Variants in ARHGAP40 observed in about 807,000 individuals in gnomAD.
The protein encoded by ARHGAP40 is rho GTPase-activating protein 40.
In ARHGAP40, 43 loss-of-function variants were observed where a neutral mutation model predicts 73.5. The observed-to-expected ratio is 0.58, with a 90% CI of 0.46 to 0.75. The LOEUF is 0.75. Among genes scored for constraint, ARHGAP40 ranks in the 30% least tolerant of loss-of-function variants. The probability of loss-of-function intolerance (pLI) is 0.00; values close to 1 mark genes in which losing one functional copy is unlikely to be tolerated. For missense variants in ARHGAP40, 734 were observed against 861.8 expected, an observed-to-expected ratio of 0.85 and a Z score of 1.86; for synonymous variants, 300 against 352.8, an observed-to-expected ratio of 0.85 and a Z score of 1.68.
At chr20:38,610,492 A>AAGGT (rs1158807778) in intron 1 of ARHGAP40, among the ~76,000 whole-genome samples, 1 of 152,212 alleles carries the variant, frequency 6.6e-6, no homozygotes, top group Non-Finnish European at 1.5e-5. Flanking sequence ...GAGGTCTGAG[A>AAGGT]AGGTGTCTCC....
chr20:38,641,354 A>G (rs958901106), intron 9 of ARHGAP40, among the ~76,000 whole-genome samples: 7 of 152,138 alleles, frequency 4.6e-5, no homozygotes, highest in Non-Finnish European at 1.0e-4. Context: ...AGAGGGTTTC[A>G]TGAAAACCTT....
chr20:38,605,457 C>T (rs978459848), intron 1 of ARHGAP40, among the ~76,000 whole-genome samples: 6 of 152,132 alleles, frequency 3.9e-5, no homozygotes, highest in Admixed American at 2.6e-4. Flanking sequence ...AGGGGGACAC[C>T]GAATTCACTG....
chr20:38,629,789 A>G (rs2088926126), intron 5 of ARHGAP40, 139 bp downstream of exon 5: 1 of 994,864 alleles, frequency 1.0e-6, no homozygotes, highest in South Asian at 1.6e-5. Context: ...TTCGTACCAC[A>G]AATATTTACT....
At chr20:38,628,784 C>A in intron 3 of ARHGAP40, 143 bp from the exon 4 acceptor site, 1 of 507,756 alleles carries the variant, frequency 2.0e-6, no homozygotes, top group Non-Finnish European at 3.2e-6. Flanking sequence ...AGCTGTGGGA[C>A]TTTGGGCAAG....
At chr20:38,620,451 C>G (rs1243003836) in intron 1 of ARHGAP40, among the ~76,000 whole-genome samples, 1 of 152,210 alleles carries the variant, frequency 6.6e-6, no homozygotes, top group East Asian at 1.9e-4. Context: ...GCTGCCCCCT[C>G]ACTGCTTAGC....
intron 2 of ARHGAP40, among the ~76,000 whole-genome samples, chr20:38,626,217 G>T (rs921153660): frequency 6.6e-6 from 1 of 152,192 alleles, no homozygotes; most frequent in Non-Finnish European, 1.5e-5. Context: ...TTATTACCTT[G>T]TTGACTAACT....
chr20:38,640,210 C>T (rs1266632895), intron 9 of ARHGAP40, among the ~76,000 whole-genome samples: 3 of 93,516 alleles, frequency 3.2e-5, no homozygotes, highest in African/African-American at 1.2e-4. Flanking sequence ...CTTCTTTCTT[C>T]TTTCTTTCTT....
chr20:38,620,781 C>T (rs913670709), intron 1 of ARHGAP40, among the ~76,000 whole-genome samples: 8 of 152,160 alleles, frequency 5.3e-5, no homozygotes, highest in Non-Finnish European at 7.3e-5. Context: ...AGGCTCTGGC[C>T]GACTGGAGGT....
exon 13 of ARHGAP40, chr20:38,647,080 T>C (rs1410309016): frequency 7.7e-7 from 1 of 1,305,228 alleles, no homozygotes; most frequent in South Asian, 1.2e-5. Context: ...CAGCCCTGGT[T>C]CCAAGGGTCA....
At chr20:38,638,365 T>C (rs1346714281) in intron 7 of ARHGAP40, among the ~76,000 whole-genome samples, 1 of 152,170 alleles carries the variant, frequency 6.6e-6, no homozygotes, top group Non-Finnish European at 1.5e-5. Context: ...TTAATTTTTT[T>C]TGTAGAGACA....
intron 14 of ARHGAP40, among the ~76,000 whole-genome samples, chr20:38,649,450 A>G (rs1213792762): frequency 6.6e-6 from 1 of 152,194 alleles, no homozygotes; most frequent in African/African-American, 2.4e-5. Context: ...CTGATCCACT[A>G]GGTGGCTCTA....
intron 1 of ARHGAP40, among the ~76,000 whole-genome samples, chr20:38,607,273 T>C (rs913250248): frequency 6.6e-6 from 1 of 152,214 alleles, no homozygotes; most frequent in Non-Finnish European, 1.5e-5. Context: ...CCTTCATTTC[T>C]CTGGGCCTGA....
At chr20:38,603,170 A>G (rs1235554331) in intron 1 of ARHGAP40, among the ~76,000 whole-genome samples, 3 of 152,232 alleles carry the variant, frequency 2.0e-5, no homozygotes, top group African/African-American at 7.2e-5. Context: ...CTCAGAAAGC[A>G]GATTCAGGGA....
chr20:38,639,248 A>C, exon 9 of ARHGAP40: 1 of 1,305,434 alleles, frequency 7.7e-7, no homozygotes, highest in Non-Finnish European at 1.0e-6. Context: ...GAAACTGGAG[A>C]GAGACTTCTA....
At chr20:38,640,180 CT>C (rs1303593476) in intron 9 of ARHGAP40, among the ~76,000 whole-genome samples, 44 of 41,378 alleles carry the variant, frequency 1.1e-3, no homozygotes, top group East Asian at 2.5e-3. Flanking sequence ...CTTCTTTCTT[CT>C]TTTCTTCTTT....
At chr20:38,637,992 T>A (rs968614718) in intron 7 of ARHGAP40, among the ~76,000 whole-genome samples, 193 bp downstream of exon 7, 1 of 151,954 alleles carries the variant, frequency 6.6e-6, no homozygotes, top group Non-Finnish European at 1.5e-5. Flanking sequence ...TTGTTGTTGT[T>A]GATGTTGTTG....
chr20:38,627,771 G>C (rs2088911967), intron 3 of ARHGAP40, among the ~76,000 whole-genome samples: 1 of 152,098 alleles, frequency 6.6e-6, no homozygotes, highest in African/African-American at 2.4e-5. Context: ...TATGTTGCAT[G>C]TAGGTCTTCA....
At chr20:38,620,545 G>T (rs932638178) in intron 1 of ARHGAP40, among the ~76,000 whole-genome samples, 2 of 152,346 alleles carry the variant, frequency 1.3e-5, no homozygotes, top group Middle Eastern at 3.4e-3. Flanking sequence ...ACAGATGCTG[G>T]TAATTTCAAA....
chr20:38,642,802 C>T (rs1246247662), intron 10 of ARHGAP40, among the ~76,000 whole-genome samples: 2 of 152,170 alleles, frequency 1.3e-5, no homozygotes, highest in East Asian at 1.9e-4. Flanking sequence ...ACTCTTGGCA[C>T]ATTCTCCAAG....
Sources: gnomAD v4.1 joint callset for allele counts (sites outside exome capture counted in the v4.1 genomes callset) on GRCh38, gnomAD v4.1.1 for gene constraint, MANE v1.5 for transcripts, NCBI Gene and HGNC (gene_info 2026-07-23, HGNC 2026-07-21) for gene names.